The following MBNL2 variants were observed in gnomAD, a reference collection of about 807,000 sequenced individuals.
MBNL2 encodes muscleblind-like protein 2.
Under a neutral mutation model 41.9 loss-of-function variants are expected in MBNL2, and 17 were observed. The observed-to-expected ratio is 0.41, with a 90% CI of 0.28 to 0.61. The LOEUF is 0.61. Ranked by LOEUF, MBNL2 falls within the 20% of genes least tolerant of loss-of-function variation. The probability of loss-of-function intolerance (pLI) is 0.35; values close to 1 mark genes in which losing one functional copy is unlikely to be tolerated. For missense variants in MBNL2, 336 were observed against 505.6 expected (o/e 0.66, Z 3.22); for synonymous variants, 195 against 182.9 (o/e 1.07, Z -0.53).
chr13:97,370,167 CT>C (rs1443386450), intron 8 of MBNL2, among the ~76,000 whole-genome samples: 1 of 152,106 alleles, frequency 6.6e-6, no homozygotes, highest in East Asian at 1.9e-4. Flanking sequence ...GATGGTAAAA[CT>C]GAAACAAAAG....
rs940607834 is a variant in MBNL2, at chr13:97,346,776, G to A, written c.541-28G>A. The A allele has an allele frequency of 6.2e-7, 1 of 1,608,242 alleles. No homozygotes were observed. The highest frequency in any genetic ancestry group is 8.5e-7 in the Non-Finnish European group (1 of 1,176,620). The stretch of plus-strand genomic sequence containing the variant: ...GGCGCCTGGGCTCAGGCTTGCCTCT[G>A]CAGCGCGGCTCTTCTTCCCTGTCTT... On this transcript the variant is annotated intron_variant, in intron 4 of 8. Coordinates refer to ENST00000679496, the MANE Select transcript of MBNL2 (RefSeq NM_001382683.1). The surrounding 1 kb of genome is among the most constrained non-coding windows in gnomAD (Gnocchi z 4.2).
the MBNL2 span, among the ~76,000 whole-genome samples, chr13:97,171,160 A>T: frequency 6.6e-6 from 1 of 152,212 alleles, no homozygotes; most frequent in Non-Finnish European, 1.5e-5. Context: ...GAGTTCAACT[A>T]TGCCCACTTA....
chr13:97,159,489 T>C, the MBNL2 span, among the ~76,000 whole-genome samples: 1 of 152,112 alleles, frequency 6.6e-6, no homozygotes, highest in Non-Finnish European at 1.5e-5. Flanking sequence ...TTCTTCCTAG[T>C]CTCGATGGTC....
At chr13:97,215,197 T>C in the MBNL2 span, among the ~76,000 whole-genome samples, 1 of 127,350 alleles carries the variant, frequency 7.9e-6, no homozygotes, top group African/African-American at 2.5e-5. Flanking sequence ...TCAGGAGGCA[T>C]GATATGACCA....
chr13:97,341,190 AT>A (rs1164880317), intron 3 of MBNL2, among the ~76,000 whole-genome samples: 4 of 152,160 alleles, frequency 2.6e-5, no homozygotes, highest in Non-Finnish European at 4.4e-5. Context: ...CATGCATCAG[AT>A]CATTTAGTAA....
chr13:97,222,926 TA>T (rs999352806), intron 1 of MBNL2, among the ~76,000 whole-genome samples: 8 of 151,882 alleles, frequency 5.3e-5, no homozygotes, highest in African/African-American at 1.2e-4. Flanking sequence ...AATTAAGGAT[TA>T]AAAAAAAATT....
the MBNL2 span, among the ~76,000 whole-genome samples, chr13:97,216,306 C>T: frequency 6.6e-6 from 1 of 152,180 alleles, no homozygotes; most frequent in African/African-American, 2.4e-5. Flanking sequence ...TTCAGCACCA[C>T]TCCATGTTCG....
chr13:97,224,807 G>T (rs1306267215), intron 1 of MBNL2, among the ~76,000 whole-genome samples: 14 of 152,122 alleles, frequency 9.2e-5, no homozygotes, highest in Non-Finnish European at 2.1e-4. Flanking sequence ...ATTTTTTAGG[G>T]ATACTTTTTC....
rs1411354801 is a variant in MBNL2 at position 97,262,551 on chromosome 13, G to A, written c.-604-13081G>A. Among the ~76,000 whole-genome samples the A allele has an allele frequency of 3.9e-5, 6 of 151,998 alleles. No individual in the cohort carries two copies. The East Asian group carries it at 1.2e-3, about 29-fold the overall frequency. On this transcript the variant is annotated intron_variant, in intron 1 of 8. Coordinates refer to ENST00000679496, the MANE Select transcript of MBNL2 (RefSeq NM_001382683.1). ...TCCAGTCCAAGCCTTCCTGTTTTCT[G>A]TCCTAGATGTATACAAATAAATCCC...
the MBNL2 span, among the ~76,000 whole-genome samples, chr13:97,175,430 G>A: frequency 0.069 from 10,574 of 152,202 alleles, 594 homozygotes; most frequent in African/African-American, 0.16. Context: ...CGGGTGCAAA[G>A]ATGGGCCTGG....
At chr13:97,219,572 C>T (rs1370113286), upstream of MBNL2, among the ~76,000 whole-genome samples, 1 of 152,152 alleles carries the variant, frequency 6.6e-6, no homozygotes, top group Non-Finnish European at 1.5e-5. Context: ...TGTGTCTTCA[C>T]ATGGTAAAGG....
the MBNL2 span, among the ~76,000 whole-genome samples, chr13:97,167,375 A>T: frequency 7.5e-6 from 1 of 133,754 alleles, no homozygotes; most frequent in South Asian, 2.4e-4. Flanking sequence ...GGAAAGATTC[A>T]TTAATGCTTT....
the MBNL2 span, among the ~76,000 whole-genome samples, chr13:97,168,370 C>T: frequency 3.3e-5 from 5 of 152,092 alleles, no homozygotes; most frequent in Admixed American, 6.6e-5. Context: ...ATTTCCCTTG[C>T]GGCTCTCCAA....
At chr13:97,271,395 A>C (rs1035966185) in intron 1 of MBNL2, among the ~76,000 whole-genome samples, 1 of 151,766 alleles carries the variant, frequency 6.6e-6, no homozygotes, top group Non-Finnish European at 1.5e-5. Flanking sequence ...GGCGTGAGCC[A>C]CTGCACCCAG....
the MBNL2 span, among the ~76,000 whole-genome samples, chr13:97,143,565 G>T: frequency 2.0e-5 from 3 of 152,204 alleles, no homozygotes. Flanking sequence ...AATAATGTTT[G>T]TACTCAAGTA....
At chr13:97,226,473 C>T (rs545095377) in intron 1 of MBNL2, among the ~76,000 whole-genome samples, 17 of 152,288 alleles carry the variant, frequency 1.1e-4, no homozygotes, top group African/African-American at 3.8e-4. Flanking sequence ...AACTCAGTAA[C>T]CTAATACCTG....
At chr13:97,177,469 A>G in the MBNL2 span, among the ~76,000 whole-genome samples, 3 of 152,228 alleles carry the variant, frequency 2.0e-5, no homozygotes, top group African/African-American at 7.2e-5. Flanking sequence ...ACAAATCAAT[A>G]ACTCTGTAGG....
the MBNL2 span, among the ~76,000 whole-genome samples, chr13:97,177,000 G>A: frequency 7.2e-5 from 11 of 152,210 alleles, no homozygotes; most frequent in African/African-American, 2.2e-4. Context: ...AAATGGATAC[G>A]AAGCAAGGTA....
Position 97,366,750 on chromosome 13 carries a change from C to T in MBNL2, c.1048+1579C>T. On this transcript the variant is annotated intron_variant, in intron 8 of 8. Transcript: ENST00000679496. This position sits in a 1 kb window ranked among gnomAD's most constrained non-coding sequence, Gnocchi z 4.7. ...ACATTTACTGCAAATAATGATGTAG[C>T]TATGTTTTGTGTTGCACTGTTTGTT... 1.5e-6 allele frequency: 1 copy of T among 651,430 alleles called. No homozygotes were observed. The highest frequency in any genetic ancestry group is 1.7e-5 in the South Asian group (1 of 59,886). 40.4% of individuals were successfully genotyped at this position (651,430 alleles called of 1,614,324 possible). A position where few individuals can be genotyped will look rare whatever the true frequency, so the allele number is the denominator to read the frequency against.
Sources: gnomAD v4.1 joint callset for allele counts (sites outside exome capture counted in the v4.1 genomes callset) on GRCh38, gnomAD v4.1.1 for gene constraint, Gnocchi (gnomAD v3.1) non-coding constraint, MANE v1.5 for transcripts, NCBI Gene and HGNC (gene_info 2026-07-23, HGNC 2026-07-21) for gene names.